Variants in PPM1H observed in about 807,000 individuals in gnomAD.
PPM1H encodes protein phosphatase 1H.
PPM1H carries 27 observed loss-of-function variants against 54.9 expected under a neutral mutation model. The ratio of observed to expected loss-of-function variants is 0.49; its 90% CI spans 0.36 to 0.68. The LOEUF (loss-of-function observed/expected upper bound fraction) is 0.68, where lower values mean the gene tolerates loss of function less well. Ranked by LOEUF, PPM1H falls within the 30% of genes least tolerant of loss-of-function variation. PPM1H has a pLI of 0.00. For missense variants in PPM1H, 596 were observed against 667.8 expected (o/e 0.89, Z 1.19); for synonymous variants, 305 against 270.8 (o/e 1.13, Z -1.24).
At chr12:62,656,072 C>T (rs2075842322) in intron 9 of PPM1H, among the ~76,000 whole-genome samples, 1 of 152,216 alleles carries the variant, frequency 6.6e-6, no homozygotes, top group African/African-American at 2.4e-5. Context: ...CTTTTCATAA[C>T]CACTGACTCT....
intron 4 of PPM1H, among the ~76,000 whole-genome samples, chr12:62,769,350 A>G (rs2076564380): frequency 6.6e-6 from 1 of 152,198 alleles, no homozygotes; most frequent in East Asian, 1.9e-4. Flanking sequence ...TTTAAGTGGC[A>G]GAATCCTGAT....
intron 8 of PPM1H, among the ~76,000 whole-genome samples, chr12:62,674,224 T>TA (rs1363586839): frequency 1.3e-5 from 2 of 152,134 alleles, no homozygotes; most frequent in Non-Finnish European, 1.5e-5. Flanking sequence ...AGGAAAGGAT[T>TA]AAGAGTGGGC....
At chr12:62,905,598 T>C (rs1871280949) in intron 1 of PPM1H, among the ~76,000 whole-genome samples, 1 of 152,174 alleles carries the variant, frequency 6.6e-6, no homozygotes, top group African/African-American at 2.4e-5. Context: ...GTTTCTTCTA[T>C]TAAATATTTA....
intron 9 of PPM1H, among the ~76,000 whole-genome samples, chr12:62,653,883 C>T (rs768326510): frequency 6.6e-6 from 1 of 152,052 alleles, no homozygotes; most frequent in African/African-American, 2.4e-5. Context: ...GATAGTCAGG[C>T]CATTGTTAAA....
chr12:62,659,027 G>A, intron 9 of PPM1H: 2 of 725,640 alleles, frequency 2.8e-6, no homozygotes, highest in Non-Finnish European at 2.5e-6. Flanking sequence ...AGCACATGCT[G>A]CCCAGTGGCT....
intron 4 of PPM1H, among the ~76,000 whole-genome samples, chr12:62,738,643 A>C (rs2076363760): frequency 6.6e-6 from 1 of 152,136 alleles, no homozygotes; most frequent in African/African-American, 2.4e-5. Flanking sequence ...CCATTTCTAC[A>C]ACAAATGGAA....
chr12:62,708,425 G>A (rs974751623), intron 6 of PPM1H, among the ~76,000 whole-genome samples: 2 of 152,158 alleles, frequency 1.3e-5, no homozygotes, highest in Non-Finnish European at 2.9e-5. Flanking sequence ...TTATCAGCTC[G>A]AAACCAGCTG....
Position 62,842,832 on chromosome 12 carries a change from T to C in PPM1H, c.246-10553A>G, listed in dbSNP as rs150285940. On this transcript the variant is annotated intron_variant, in intron 1 of 9. Coordinates refer to ENST00000228705, the MANE Select transcript of PPM1H (RefSeq NM_020700.2). ...GCTAGAAATTGGAGACGCAGTCTCA[T>C]ACAGCTTTTAAGAGCAGAGAGACTC... Among the ~76,000 whole-genome samples the C allele has an allele frequency of 1.2e-3, 182 of 152,300 alleles. 2 individuals are homozygous for C. The highest frequency in any genetic ancestry group is 4.2e-3 in the African/African-American group (173 of 41,576).
At chr12:62,791,503 G>A (rs1001905329) in intron 3 of PPM1H, among the ~76,000 whole-genome samples, 79 of 152,310 alleles carry the variant, frequency 5.2e-4, no homozygotes, top group African/African-American at 1.8e-3. Context: ...AATTATATAA[G>A]TTGATAAAGA....
At chr12:62,666,184 T>TCTCA (rs1237662294) in intron 9 of PPM1H, among the ~76,000 whole-genome samples, 1 of 152,166 alleles carries the variant, frequency 6.6e-6, no homozygotes, top group Non-Finnish European at 1.5e-5. Flanking sequence ...TTCAAGCGAT[T>TCTCA]CTCATGCCTT....
intron 5 of PPM1H, among the ~76,000 whole-genome samples, chr12:62,734,838 T>C (rs1206940421): frequency 6.6e-6 from 1 of 151,244 alleles, no homozygotes; most frequent in Non-Finnish European, 1.5e-5. Context: ...AGCCCAGGAG[T>C]TTAAGACCAG....
intron 5 of PPM1H, among the ~76,000 whole-genome samples, chr12:62,724,123 AC>A (rs1401180105): frequency 6.6e-6 from 1 of 152,196 alleles, no homozygotes; most frequent in East Asian, 1.9e-4. Flanking sequence ...TGAGTTTATT[AC>A]CATTAGATCT....
rs150160699 is a variant in PPM1H at position 62,759,024 on chromosome 12, C to T, written c.870-21438G>A. ...TACTTTGTGAGATCCACCCACTGCC[C>T]GCAAAACATTGCTCCTAACTCCACT... is the stretch of plus-strand genomic sequence containing the variant. On this transcript the variant is annotated intron_variant, in intron 4 of 9. Coordinates refer to ENST00000228705, the MANE Select transcript of PPM1H (RefSeq NM_020700.2). Among the ~76,000 whole-genome samples, 521 of 152,324 alleles carry T rather than the reference C, an allele frequency of 3.4e-3. 6 individuals carry two copies. Among genetic ancestry groups the T allele is most frequent in the African/African-American group, 0.011 (474 of 41,568 alleles).
At chr12:62,878,027 T>A (rs1465631720) in intron 1 of PPM1H, among the ~76,000 whole-genome samples, 1 of 152,078 alleles carries the variant, frequency 6.6e-6, no homozygotes, top group East Asian at 1.9e-4. Context: ...CCTCCTGAGT[T>A]GCTGAGACTA....
chr12:62,700,081 C>A (rs183646472), intron 6 of PPM1H, among the ~76,000 whole-genome samples: 1 of 152,186 alleles, frequency 6.6e-6, no homozygotes, highest in African/African-American at 2.4e-5. Context: ...ACCCACCAGC[C>A]TTTCAGGACA....
At position 62,927,792 on chromosome 12, in the gene PPM1H, A is replaced by T. The variant is rs562744932; in HGVS notation, c.245+6700T>A. On this transcript the variant is annotated intron_variant, in intron 1 of 9. Coordinates refer to ENST00000228705, the MANE Select transcript of PPM1H (RefSeq NM_020700.2). ...CATATGATCAGCTTTTATTTTTTTT[A>T]AAAAAATACCTATATAAAAAATCTG... Among the ~76,000 whole-genome samples the T allele has an allele frequency of 6.2e-3, 948 of 151,682 alleles. 10 individuals carry two copies. Among genetic ancestry groups the T allele is most frequent in the African/African-American group, 0.021 (870 of 41,482 alleles).
At chr12:62,873,978 A>G (rs1870077038) in intron 1 of PPM1H, among the ~76,000 whole-genome samples, 1 of 152,130 alleles carries the variant, frequency 6.6e-6, no homozygotes, top group Admixed American at 6.6e-5. Context: ...GGGTCCTTGC[A>G]GGGGGAAATA....
At chr12:62,920,320 T>G (rs1270794471) in intron 1 of PPM1H, among the ~76,000 whole-genome samples, 3 of 152,180 alleles carry the variant, frequency 2.0e-5, no homozygotes, top group Non-Finnish European at 4.4e-5. Context: ...AAATCCTCTT[T>G]TTAAAATTGC....
At chr12:62,789,196 G>A (rs766705956) in intron 3 of PPM1H, among the ~76,000 whole-genome samples, 1 of 151,988 alleles carries the variant, frequency 6.6e-6, no homozygotes, top group Non-Finnish European at 1.5e-5. Flanking sequence ...TCCATTTTTT[G>A]TGGGGACAGG....
Sources: allele counts gnomAD v4.1 joint callset (sites outside exome capture counted in the v4.1 genomes callset), GRCh38; gene constraint gnomAD v4.1.1; transcripts MANE v1.5; gene names NCBI Gene and HGNC (gene_info 2026-07-23, HGNC 2026-07-21).